Variants in FMNL2 observed in about 807,000 individuals in gnomAD.
The protein encoded by FMNL2 is formin like 2.
FMNL2 carries 51 observed loss-of-function variants against 130.2 expected under a neutral mutation model. The observed-to-expected ratio is 0.39, with a 90% CI of 0.31 to 0.49. FMNL2 has a LOEUF of 0.49. Ranked by LOEUF, FMNL2 falls within the 20% of genes least tolerant of loss-of-function variation. The pLI is 0.85. For missense variants in FMNL2, 977 were observed against 1,316.2 expected, an observed-to-expected ratio of 0.74 and a Z score of 3.99; for synonymous variants, 465 against 467.1, an observed-to-expected ratio of 1.00 and a Z score of 0.06.
chr2:152,396,234 A>G (rs746530279), intron 1 of FMNL2, among the ~76,000 whole-genome samples: 9 of 152,278 alleles, frequency 5.9e-5, no homozygotes, highest in Non-Finnish European at 1.3e-4. Flanking sequence ...ACTTGGCTGG[A>G]TAGAATTCTG....
At chr2:152,498,509 C>G (rs1400236359) in intron 1 of FMNL2, among the ~76,000 whole-genome samples, 1 of 152,070 alleles carries the variant, frequency 6.6e-6, no homozygotes, top group Non-Finnish European at 1.5e-5. Flanking sequence ...TATTCTTGAA[C>G]CCTTACCTAT....
In FMNL2 at chr2:152,510,813, T is replaced by C. The variant is rs545395847; in HGVS notation, c.118-11130T>C. 4.6e-5 allele frequency among the ~76,000 whole-genome samples: 7 copies of C among 152,288 alleles called. No homozygotes were observed. The East Asian group carries it at 1.4e-3, about 29-fold the overall frequency. On this transcript the variant is annotated intron_variant, in intron 1 of 25. Coordinates refer to ENST00000288670, the MANE Select transcript of FMNL2 (RefSeq NM_052905.4). ...CAAGACTTTCCAGCTTTCCTGCCTA[T>C]CTTGGCTGGGCTTGTCTGGAGAGAC... is the stretch of plus-strand genomic sequence containing the variant.
intron 10 of FMNL2, among the ~76,000 whole-genome samples, chr2:152,610,871 A>G (rs1049326100): frequency 6.6e-5 from 10 of 152,174 alleles, no homozygotes; most frequent in African/African-American, 2.4e-4. Flanking sequence ...CACACTTTTT[A>G]AAGTGGCCAC....
intron 11 of FMNL2, 73 bp downstream of exon 11, chr2:152,611,678 C>A (rs1359954437): frequency 2.1e-6 from 2 of 950,618 alleles, no homozygotes; most frequent in Non-Finnish European, 3.3e-6. Flanking sequence ...AGGTACGCTT[C>A]CATAGCAGCT....
At chr2:152,639,848 A>T in intron 23 of FMNL2, 110 bp from the exon 24 acceptor site, 1 of 767,290 alleles carries the variant, frequency 1.3e-6, no homozygotes, top group Non-Finnish European at 1.9e-6. Context: ...TCAACCTTCC[A>T]TTTATTGTAA....
At chr2:152,595,392 C>G (rs1012053732) in intron 9 of FMNL2, among the ~76,000 whole-genome samples, 1 of 152,198 alleles carries the variant, frequency 6.6e-6, no homozygotes, top group Non-Finnish European at 1.5e-5. Context: ...GCAATCTCGG[C>G]TCACTGCAAC....
intron 6 of FMNL2, among the ~76,000 whole-genome samples, chr2:152,563,779 C>T (rs1287219215): frequency 6.6e-6 from 1 of 152,084 alleles, no homozygotes; most frequent in Non-Finnish European, 1.5e-5. Flanking sequence ...TCCTTCTTCT[C>T]TGGTTTCATT....
At chr2:152,485,115 G>T (rs1196414883) in intron 1 of FMNL2, among the ~76,000 whole-genome samples, 1 of 152,158 alleles carries the variant, frequency 6.6e-6, no homozygotes, top group Non-Finnish European at 1.5e-5. Context: ...GGAGTCCAAG[G>T]TGGGAGGATT....
At chr2:152,373,760 C>T (rs2105869422) in intron 1 of FMNL2, among the ~76,000 whole-genome samples, 1 of 151,348 alleles carries the variant, frequency 6.6e-6, no homozygotes, top group East Asian at 1.9e-4. Flanking sequence ...TTTGTTGAAT[C>T]CGCAGATGTG....
chr2:152,641,883 G>A (rs1683110687), intron 25 of FMNL2, among the ~76,000 whole-genome samples: 1 of 151,724 alleles, frequency 6.6e-6, no homozygotes, highest in Non-Finnish European at 1.5e-5. Flanking sequence ...CTAGTCATTA[G>A]TTCACATTTC....
In FMNL2 at chr2:152,578,895, T is replaced by C; in HGVS notation, c.713T>C (p.Phe238Ser). 6.2e-7 allele frequency: 1 copy of C among 1,612,026 alleles called. No homozygotes were observed. Among genetic ancestry groups the C allele is most frequent in the Non-Finnish European group, 8.5e-7 (1 of 1,178,968 alleles). The change falls in exon 8 of 26, where the codon TTC becomes TCC. Residue 238 changes from phenylalanine (F) to serine (S), a missense_variant. Transcript: ENST00000288670. ...TTTCCATGTTAATTTTAGTATGGTT[T>C]CAACATGGTCATGTCTCATCCACAC... Reference protein sequence around the residue: ...LRAIMNYQYGFNMVMSHPHAV... With the variant: ...LRAIMNYQYGSNMVMSHPHAV...
At chr2:152,502,810 G>T (rs768563854) in intron 1 of FMNL2, among the ~76,000 whole-genome samples, 1 of 152,174 alleles carries the variant, frequency 6.6e-6, no homozygotes, top group Non-Finnish European at 1.5e-5. Context: ...GAAAGGGAGC[G>T]AGTTCTTGTA....
intron 1 of FMNL2, among the ~76,000 whole-genome samples, chr2:152,488,796 A>G (rs1690980334): frequency 6.6e-6 from 1 of 152,218 alleles, no homozygotes; most frequent in Admixed American, 6.5e-5. Context: ...CTAGGACACA[A>G]GCCAGGTGTG....
At chr2:152,517,688 A>G (rs922955678) in intron 1 of FMNL2, among the ~76,000 whole-genome samples, 1 of 152,226 alleles carries the variant, frequency 6.6e-6, no homozygotes, top group Non-Finnish European at 1.5e-5. Flanking sequence ...TATTTTAGCT[A>G]GGAACTTGTA....
chr2:152,470,546 A>G (rs553823016), intron 1 of FMNL2, among the ~76,000 whole-genome samples: 2 of 152,336 alleles, frequency 1.3e-5, no homozygotes, highest in East Asian at 3.9e-4. Context: ...CTAGATTACA[A>G]AATGACATTA....
chr2:152,600,304 A>G (rs1450194917), intron 9 of FMNL2, among the ~76,000 whole-genome samples: 1 of 152,238 alleles, frequency 6.6e-6, no homozygotes, highest in Admixed American at 6.5e-5. Flanking sequence ...GCGCCAGGCA[A>G]CAAGGCAAGA....
At chr2:152,457,359 A>T (rs1217253097) in intron 1 of FMNL2, among the ~76,000 whole-genome samples, 1 of 152,168 alleles carries the variant, frequency 6.6e-6, no homozygotes, top group Non-Finnish European at 1.5e-5. Context: ...GGTGATATGG[A>T]TTTGCTCTAA....
intron 1 of FMNL2, among the ~76,000 whole-genome samples, chr2:152,356,974 TAAGTTTA>T (rs1218035717): frequency 2.5e-4 from 38 of 149,048 alleles, no homozygotes; most frequent in South Asian, 8.3e-4. Context: ...AAATATTAAA[TAAGTTTA>T]ATATATAACG....
intron 1 of FMNL2, among the ~76,000 whole-genome samples, chr2:152,508,850 C>T (rs1383581354): frequency 1.3e-5 from 2 of 152,152 alleles, no homozygotes; most frequent in East Asian, 3.9e-4. Flanking sequence ...ACCCCCCGCC[C>T]ATTTTCATCT....
Sources: allele counts gnomAD v4.1 joint callset (sites outside exome capture counted in the v4.1 genomes callset), GRCh38; gene constraint gnomAD v4.1.1; transcripts MANE v1.5; gene names NCBI Gene and HGNC (gene_info 2026-07-23, HGNC 2026-07-21).